Variants in CNTN5 observed in about 807,000 individuals in gnomAD.
CNTN5 encodes the protein contactin-5.
Under a neutral mutation model 129.1 loss-of-function variants are expected in CNTN5, and 77 were observed. The ratio of observed to expected loss-of-function variants is 0.60; its 90% CI spans 0.50 to 0.72. The LOEUF (loss-of-function observed/expected upper bound fraction) is 0.72, where lower values mean the gene tolerates loss of function less well. Among genes scored for constraint, CNTN5 ranks in the 30% least tolerant of loss-of-function variants. The probability of loss-of-function intolerance (pLI) is 0.00; values close to 1 mark genes in which losing one functional copy is unlikely to be tolerated. For missense variants in CNTN5, 1,478 were observed against 1,328.8 expected (o/e 1.11, Z -1.75); for synonymous variants, 509 against 465.6 (o/e 1.09, Z -1.20).
chr11:100,266,940 A>T (rs1218899298), intron 17 of CNTN5, among the ~76,000 whole-genome samples: 2 of 152,138 alleles, frequency 1.3e-5, no homozygotes, highest in African/African-American at 4.8e-5. Context: ...AATGAACAAC[A>T]CCAAATAAAT....
intron 1 of CNTN5, among the ~76,000 whole-genome samples, chr11:99,264,754 A>G (rs1377866393): frequency 6.6e-6 from 1 of 152,074 alleles, no homozygotes; most frequent in Non-Finnish European, 1.5e-5. Flanking sequence ...CTAAGAAGTT[A>G]TTTTTGTGTG....
At chr11:99,396,267 A>C (rs1329226617) in intron 2 of CNTN5, among the ~76,000 whole-genome samples, 2 of 151,676 alleles carry the variant, frequency 1.3e-5, no homozygotes, top group Non-Finnish European at 3.0e-5. Context: ...GCATAATAGA[A>C]TAGGTCAATC....
intron 2 of CNTN5, among the ~76,000 whole-genome samples, chr11:99,537,216 G>T (rs1947933717): frequency 6.6e-6 from 1 of 152,130 alleles, no homozygotes; most frequent in South Asian, 2.1e-4. Flanking sequence ...TGCTTAGGAA[G>T]ATTTGATCTC....
intron 1 of CNTN5, among the ~76,000 whole-genome samples, chr11:99,224,735 G>T (rs1244942530): frequency 6.8e-6 from 1 of 147,640 alleles, no homozygotes; most frequent in African/African-American, 2.5e-5. Flanking sequence ...TCGGCTGGGT[G>T]CAACCTCCAC....
At chr11:99,173,101 A>G (rs1857610792) in intron 1 of CNTN5, among the ~76,000 whole-genome samples, 2 of 152,198 alleles carry the variant, frequency 1.3e-5, no homozygotes, top group South Asian at 4.1e-4. Context: ...CTGTCATGAG[A>G]ACAGCATGGG....
intron 1 of CNTN5, among the ~76,000 whole-genome samples, chr11:99,229,241 G>A (rs952929377): frequency 6.6e-6 from 1 of 151,856 alleles, no homozygotes; most frequent in Non-Finnish European, 1.5e-5. Flanking sequence ...ACTGTACTCA[G>A]TGCTAAATTC....
intron 3 of CNTN5, among the ~76,000 whole-genome samples, chr11:99,581,576 C>G (rs1336122859): frequency 1.3e-5 from 2 of 152,016 alleles, no homozygotes; most frequent in African/African-American, 4.8e-5. Context: ...GATCCCTTTA[C>G]CGTTATGTAA....
chr11:99,489,540 T>C (rs1945952183), intron 2 of CNTN5, among the ~76,000 whole-genome samples: 1 of 152,226 alleles, frequency 6.6e-6, no homozygotes, highest in Admixed American at 6.5e-5. Flanking sequence ...TTGCTTTATT[T>C]GCTAATACTG....
chr11:99,829,242 T>A (rs543088675), intron 4 of CNTN5, among the ~76,000 whole-genome samples: 1 of 152,314 alleles, frequency 6.6e-6, no homozygotes, highest in Non-Finnish European at 1.5e-5. Flanking sequence ...TCTCATAATT[T>A]GCTATACATA....
intron 13 of CNTN5, among the ~76,000 whole-genome samples, chr11:100,098,288 C>CAAAG (rs1414151979): frequency 6.6e-6 from 1 of 151,798 alleles, no homozygotes; most frequent in African/African-American, 2.4e-5. Flanking sequence ...TTGTTGTATT[C>CAAAG]AAAGATAAGA....
rs141540500 is a variant in CNTN5 at position 100,257,133 on chromosome 11, C to T, written c.2164+1215C>T. Among the ~76,000 whole-genome samples, 1,240 of 152,196 alleles carry T rather than the reference C, an allele frequency of 8.1e-3. 22 individuals are homozygous for T. Among genetic ancestry groups the T allele is most frequent in the African/African-American group, 0.028 (1,150 of 41,516 alleles). ...TGTCCACCATTACTGAGGATTGAGTCGGTGGTTTACCCTTATAGTGTAAAC... is the reference window on the plus strand; with the variant it reads ...TGTCCACCATTACTGAGGATTGAGTTGGTGGTTTACCCTTATAGTGTAAAC... On this transcript the variant is annotated intron_variant, in intron 17 of 24. Transcript: ENST00000524871.
chr11:99,213,467 T>C (rs1019093724), intron 1 of CNTN5, among the ~76,000 whole-genome samples: 83 of 135,332 alleles, frequency 6.1e-4, no homozygotes, highest in East Asian at 2.3e-3. Flanking sequence ...CATATATACG[T>C]GTGTATATAT....
chr11:100,019,554 A>T (rs1591064985), intron 9 of CNTN5, among the ~76,000 whole-genome samples: 1 of 151,960 alleles, frequency 6.6e-6, no homozygotes, highest in Non-Finnish European at 1.5e-5. Flanking sequence ...ATAATATTCC[A>T]TTATGTATAT....
At chr11:99,819,304 C>CCCTCCT (rs1946697911) in intron 3 of CNTN5, among the ~76,000 whole-genome samples, 1 of 37,418 alleles carries the variant, frequency 2.7e-5, no homozygotes, top group Non-Finnish European at 5.6e-5. Context: ...CCTCCCCTTC[C>CCCTCCT]CTCCCCTCTC....
rs867420192 is a variant in CNTN5, at chr11:99,133,855, C to T, written c.-210+112585C>T. On this transcript the variant is annotated intron_variant, in intron 1 of 24. Transcript: ENST00000524871. The stretch of plus-strand genomic sequence containing the variant: ...ATTGTGGAAGACAATGTGGTGATTC[C>T]TCAAATATTTAGAACTGGAAATACC... Among the ~76,000 whole-genome samples, 61 of 152,230 alleles carry T rather than the reference C, an allele frequency of 4.0e-4. No individual in the cohort carries two copies. In the Middle Eastern group the frequency reaches 0.017, roughly 42 times the overall value.
intron 2 of CNTN5, among the ~76,000 whole-genome samples, chr11:99,366,902 A>G (rs1174808787): frequency 9.2e-5 from 14 of 152,224 alleles, no homozygotes; most frequent in Non-Finnish European, 2.9e-5. Flanking sequence ...GACAAATAGC[A>G]GATTCGGTGC....
chr11:99,292,864 G>T lies in CNTN5; in HGVS notation c.-209-32482G>T, dbSNP rs1488604928. On this transcript the variant is annotated intron_variant, in intron 1 of 24. Transcript: ENST00000524871. ...TTGATGCCATCTACACACATTAAAT[G>T]GACCAGCCACTTCTCTACATTGGGC... Among the ~76,000 whole-genome samples, 3 of 152,054 alleles carry T rather than the reference G, an allele frequency of 2.0e-5. No individual in the cohort carries two copies. In the East Asian group the frequency reaches 5.8e-4, roughly 29 times the overall value.
chr11:100,220,479 AAGAC>A (rs1949240768), intron 15 of CNTN5, among the ~76,000 whole-genome samples: 2 of 152,166 alleles, frequency 1.3e-5, no homozygotes, highest in South Asian at 2.1e-4. Flanking sequence ...TTTCTACAAT[AAGAC>A]AGAAAGGATG....
chr11:100,285,568 C>G (rs961595829), intron 18 of CNTN5, among the ~76,000 whole-genome samples: 1 of 152,118 alleles, frequency 6.6e-6, no homozygotes, highest in African/African-American at 2.4e-5. Context: ...ACAGACAAGG[C>G]GAAAGGAGTA....
Sources: gnomAD v4.1 joint callset for allele counts (sites outside exome capture counted in the v4.1 genomes callset) on GRCh38, gnomAD v4.1.1 for gene constraint, MANE v1.5 for transcripts, NCBI Gene and HGNC (gene_info 2026-07-23, HGNC 2026-07-21) for gene names.